The following TMF1 variants were observed in gnomAD, a reference collection of about 807,000 sequenced individuals.
TMF1 encodes the protein TATA element modulatory factor 1, also known as TATA element modulatory factor.
TMF1 carries 71 observed loss-of-function variants against 126.5 expected under a neutral mutation model. The ratio of observed to expected loss-of-function variants is 0.56; its 90% confidence interval spans 0.46 to 0.68. The LOEUF (loss-of-function observed/expected upper bound fraction) is 0.68, where lower values mean the gene tolerates loss of function less well. Ranked by LOEUF, TMF1 falls within the 30% of genes least tolerant of loss-of-function variation. The probability of loss-of-function intolerance (pLI) is 0.00; values close to 1 mark genes in which losing one functional copy is unlikely to be tolerated. For synonymous variants in TMF1, 461 were observed against 430.5 expected (o/e 1.07, Z -0.88); for missense variants, 1,259 against 1,253.2 (o/e 1.00, Z -0.07).
intron 8 of TMF1, among the ~76,000 whole-genome samples, chr3:69,035,803 TATAAA>T (rs1575813706): frequency 2.0e-5 from 3 of 152,152 alleles, no homozygotes; most frequent in African/African-American, 7.2e-5. Flanking sequence ...ATGGAAAAAC[TATAAA>T]ATAACACGTA....
rs778873295 is a variant in TMF1, at chr3:69,047,751, A to G, written c.954T>C (p.Cys318=). The G allele has an allele frequency of 3.7e-6, 6 of 1,614,148 alleles. No homozygotes were observed. In the South Asian group the frequency reaches 6.6e-5, roughly 18 times the overall value. ...DDFQKLTESC[C]SSDAFERIDS... The stretch of plus-strand genomic sequence containing the variant: ...CTATTCTTTCAAAAGCATCAGATGA[A>G]CAGCAACTCTCAGTGAGTTTTTGGA... The change falls in exon 2 of 17, where the codon TGT becomes TGC. Residue 318 remains cysteine (C), a synonymous_variant. Transcript: ENST00000398559.
chr3:69,046,545 G>A (rs1395796732), intron 2 of TMF1, among the ~76,000 whole-genome samples: 1 of 152,048 alleles, frequency 6.6e-6, no homozygotes, highest in African/African-American at 2.4e-5. Flanking sequence ...TTCAATACAT[G>A]GCACTTACAG....
chr3:69,023,145 A>G lies in TMF1; in HGVS notation c.*32T>C. On this transcript the variant is annotated 3_prime_UTR_variant, in exon 17 of 17. Coordinates refer to ENST00000398559, the MANE Select transcript of TMF1 (RefSeq NM_007114.3). ...AAATGTTTAGATATTAAATGCTTAC[A>G]TTCAGTTTGATGGGAATTCAATTTT... 6.3e-7 allele frequency: 1 copy of G among 1,582,602 alleles called. No individual in the cohort carries two copies. Among genetic ancestry groups the G allele is most frequent in the Non-Finnish European group, 8.6e-7 (1 of 1,157,022 alleles).
Position 69,047,980 on chromosome 3 carries a change from G to A in TMF1, c.725C>T (p.Pro242Leu). The A allele has an allele frequency of 1.2e-6, 2 of 1,613,864 alleles. No individual in the cohort carries two copies. Among genetic ancestry groups the A allele is most frequent in the Non-Finnish European group, 1.7e-6 (2 of 1,180,036 alleles). ...TGAAAAGGTACTAACAGGAGGAGAA[G>A]GTGTATTGCTCTGCCTGTCTTCATG... ...QKHEDRQSNT[P>L]SPPVSTFSSG... Residue 242 changes from proline (P) to leucine (L), a missense_variant, in exon 2 of 17, where the codon CCT becomes CTT. Coordinates refer to ENST00000398559, the MANE Select transcript of TMF1 (RefSeq NM_007114.3).
In TMF1 at chr3:69,033,137, G is replaced by C. The variant is rs532208534; in HGVS notation, c.2401+411C>G. 9.2e-5 allele frequency among the ~76,000 whole-genome samples: 14 copies of C among 152,130 alleles called. 1 individual carries two copies. The South Asian group carries it at 2.7e-3, about 29-fold the overall frequency. On this transcript the variant is annotated intron_variant, in intron 10 of 16. Transcript: ENST00000398559. ...AAAATACAAAAAATTAGCCAGGCAT[G>C]GTGGCAGACGCCTGTAATCCCAGCT...
Position 69,043,841 on chromosome 3 carries a change from A to G in TMF1, c.1487T>C (p.Ile496Thr). ...AGTAAACTCATCTTTCAAGGAAGAAATGCTACTGCTTTCTTCTTTCACTCT... is the reference window on the plus strand; with the variant it reads ...AGTAAACTCATCTTTCAAGGAAGAAGTGCTACTGCTTTCTTCTTTCACTCT... The part of the protein sequence containing the change: ...MFRVKEESSS[I>T]SSLKDEFTQR... Residue 496 changes from isoleucine (I) to threonine (T), a missense_variant, in exon 4 of 17, where the codon ATT becomes ACT. By Grantham distance (89) the Ile-to-Thr change is moderately conservative. Coordinates refer to ENST00000398559, the MANE Select transcript of TMF1 (RefSeq NM_007114.3). 4 of 1,610,218 alleles carry G rather than the reference A, an allele frequency of 2.5e-6. No homozygotes were observed. Among genetic ancestry groups the G allele is most frequent in the Non-Finnish European group, 2.5e-6 (3 of 1,178,266 alleles).
intron 2 of TMF1, 75 bp downstream of exon 2, chr3:69,047,283 G>A (rs1288571249): frequency 6.8e-7 from 1 of 1,464,332 alleles, no homozygotes; most frequent in African/African-American, 1.4e-5. Context: ...ATGCATCAAT[G>A]AAAGTATTTT....
intron 14 of TMF1, 71 bp downstream of exon 14, chr3:69,025,925 A>G (rs1023294095): frequency 2.2e-6 from 3 of 1,340,366 alleles, no homozygotes; most frequent in African/African-American, 2.9e-5. Flanking sequence ...GATGACAGAC[A>G]ATATTGCCAT....
At position 69,033,716 on chromosome 3, in the gene TMF1, A is replaced by C. The variant is rs763573473; in HGVS notation, c.2245-12T>G. ...GCTTCCTGGAGTCTCTGAATCATGA[A>C]ATTCTGAAGTCATTACCAATGACAG... On this transcript the variant is annotated splice_polypyrimidine_tract_variant and intron_variant, in intron 9 of 16. Coordinates refer to ENST00000398559, the MANE Select transcript of TMF1 (RefSeq NM_007114.3). The C allele has an allele frequency of 1.9e-6, 3 of 1,594,468 alleles. No individual in the cohort carries two copies. The highest frequency in any genetic ancestry group is 2.6e-6 in the Non-Finnish European group (3 of 1,172,558).
intron 15 of TMF1, chr3:69,024,445 A>T (rs1011471320): frequency 5.0e-6 from 1 of 201,972 alleles, no homozygotes. Context: ...ATTCAACCAT[A>T]TATTTTTCTA....
intron 5 of TMF1, chr3:69,040,456 C>T (rs924673138): frequency 2.0e-5 from 3 of 152,142 alleles, no homozygotes; most frequent in Admixed American, 6.5e-5. Flanking sequence ...CAGAATGTTA[C>T]GGTATTTGTA....
Position 69,025,910 on chromosome 3 carries a change from G to T in TMF1, c.2859+86C>A, listed in dbSNP as rs186990498. Reference sequence around the variant, plus strand: ...GATGAATTACCCATAGAATGGCAAGGTCATGATGACAGACAATATTGCCAT... The same window carrying T: ...GATGAATTACCCATAGAATGGCAAGTTCATGATGACAGACAATATTGCCAT... On this transcript the variant is annotated intron_variant, in intron 14 of 16. Coordinates refer to ENST00000398559, the MANE Select transcript of TMF1 (RefSeq NM_007114.3). 2.4e-4 allele frequency: 296 copies of T among 1,248,184 alleles called. 1 individual carries two copies. Among genetic ancestry groups the T allele is most frequent in the South Asian group, 1.8e-3 (136 of 73,744 alleles). The allele number at this position is 1,248,184 out of a possible 1,614,324, so 77.3% of individuals were successfully genotyped here. A position where few individuals can be genotyped will look rare whatever the true frequency, so the allele number is the denominator to read the frequency against.
chr3:69,024,023 C>G (rs771952884), intron 16 of TMF1, 32 bp downstream of exon 16: 2 of 1,574,830 alleles, frequency 1.3e-6, no homozygotes. Flanking sequence ...ACTAAAATAT[C>G]TTAGACTCAT....
rs1415110811 is a variant in TMF1 at position 69,021,265 on chromosome 3, G to A, written c.*1912C>T. ...ATAGGAAAAAACAGTGTATAGAGGT[G>A]TCTATACTATCCATGGTTTCAGACG... On this transcript the variant is annotated 3_prime_UTR_variant, in exon 17 of 17. Transcript: ENST00000398559. The A allele has an allele frequency of 6.6e-6, 1 of 152,570 alleles. No individual in the cohort carries two copies. The highest frequency in any genetic ancestry group is 1.5e-5 in the Non-Finnish European group (1 of 68,038). 9.5% of individuals were successfully genotyped at this position (152,570 alleles called of 1,614,324 possible).
chr3:69,028,040 G>A (rs1013837008), intron 12 of TMF1, 48 bp from the exon 13 acceptor site: 3 of 1,239,902 alleles, frequency 2.4e-6, no homozygotes, highest in Non-Finnish European at 3.5e-6. Flanking sequence ...AGTAATTCAT[G>A]CCATGATAAG....
intron 5 of TMF1, chr3:69,040,507 T>C (rs1343399092): frequency 6.6e-6 from 1 of 152,252 alleles, no homozygotes; most frequent in Non-Finnish European, 1.5e-5. Context: ...AGTGTATGTA[T>C]GTGCAGAAAG....
Position 69,021,762 on chromosome 3 carries a change from C to A in TMF1, c.*1415G>T, listed in dbSNP as rs918460786. ...GTGGCACAATCTTGGCTCATTGTAA[C>A]CTCCACCTCCCAGGTTCAAGCAATG... On this transcript the variant is annotated 3_prime_UTR_variant, in exon 17 of 17. Coordinates refer to ENST00000398559, the MANE Select transcript of TMF1 (RefSeq NM_007114.3). The A allele has an allele frequency of 6.6e-6, 1 of 151,220 alleles. No homozygotes were observed. The highest frequency in any genetic ancestry group is 1.5e-5 in the Non-Finnish European group (1 of 67,946). 9.4% of individuals were successfully genotyped at this position (151,220 alleles called of 1,614,324 possible). A position where few individuals can be genotyped will look rare whatever the true frequency, so the allele number is the denominator to read the frequency against.
At chr3:69,039,734 TC>T in intron 5 of TMF1, 41 bp from the exon 6 acceptor site, 1 of 1,571,600 alleles carries the variant, frequency 6.4e-7, no homozygotes, top group South Asian at 1.2e-5. Context: ...TGATAACTAT[TC>T]CCTAAAAATC....
chr3:69,047,926 T>C lies in TMF1; in HGVS notation c.779A>G (p.Glu260Gly). The C allele has an allele frequency of 6.2e-7, 1 of 1,613,938 alleles. No homozygotes were observed. Among genetic ancestry groups the C allele is most frequent in the Non-Finnish European group, 8.5e-7 (1 of 1,180,030 alleles). The part of the protein sequence containing the change: ...SSGTSTTSDI[E>G]VLDHESVISE... ...TATTACACTTTCATGATCTAAAACT[T>C]CAATATCACTGGTGGTAGAAGTACC... Residue 260 changes from glutamate to glycine, a missense_variant, in exon 2 of 17, where the codon GAA (glutamate) becomes GGA (glycine). Glu to Gly is a moderately conservative substitution (Grantham distance 98, BLOSUM62 -2). Transcript: ENST00000398559.
Sources: allele counts gnomAD v4.1 joint callset (sites outside exome capture counted in the v4.1 genomes callset), GRCh38; gene constraint gnomAD v4.1.1; transcripts MANE v1.5; gene names NCBI Gene and HGNC (gene_info 2026-07-23, HGNC 2026-07-21).